The following AGBL4 variants were observed in gnomAD, a reference collection of about 807,000 sequenced individuals.
The protein encoded by AGBL4 is AGBL carboxypeptidase 4, also known as cytosolic carboxypeptidase 6.
Under a neutral mutation model 66.4 loss-of-function variants are expected in AGBL4, and 58 were observed. The ratio of observed to expected loss-of-function variants is 0.87; its 90% CI spans 0.71 to 1.09. The LOEUF (loss-of-function observed/expected upper bound fraction) is 1.09, where lower values mean the gene tolerates loss of function less well. Ranked by LOEUF, AGBL4 falls within the 50% of genes least tolerant of loss-of-function variation. The probability of loss-of-function intolerance (pLI) is 0.00; values close to 1 mark genes in which losing one functional copy is unlikely to be tolerated. For synonymous variants in AGBL4, 234 were observed against 222.9 expected (o/e 1.05, Z -0.44); for missense variants, 579 against 631.0 (o/e 0.92, Z 0.88).
At chr1:48,907,597 A>G (rs1272465695) in intron 5 of AGBL4, among the ~76,000 whole-genome samples, 1 of 152,194 alleles carries the variant, frequency 6.6e-6, no homozygotes, top group East Asian at 1.9e-4. Context: ...TCATCATTCC[A>G]TAGCCTGGAG....
rs74383698 is a variant in AGBL4, at chr1:49,624,716, T to G, written c.282+72597A>C. On this transcript the variant is annotated intron_variant, in intron 3 of 13. Transcript: ENST00000371839. ...CCCTTGAGGATAGAGCCAAGAGCTATGGATGGTAGATCAGAAAAACAGAAG... is the reference window on the plus strand; with the variant it reads ...CCCTTGAGGATAGAGCCAAGAGCTAGGGATGGTAGATCAGAAAAACAGAAG... 4.7e-4 allele frequency among the ~76,000 whole-genome samples: 71 copies of G among 152,328 alleles called. No homozygotes were observed. In the East Asian group the frequency reaches 0.013, roughly 27 times the overall value.
intron 1 of AGBL4, among the ~76,000 whole-genome samples, chr1:50,012,394 T>A (rs1486670235): frequency 6.6e-6 from 1 of 152,148 alleles, no homozygotes; most frequent in African/African-American, 2.4e-5. Context: ...AGAGGATGGA[T>A]AACCCATTCT....
intron 9 of AGBL4, among the ~76,000 whole-genome samples, chr1:48,612,044 T>C (rs950389468): frequency 1.3e-5 from 2 of 152,234 alleles, no homozygotes; most frequent in East Asian, 1.9e-4. Flanking sequence ...CTGCATATAA[T>C]GCAAACCTGC....
intron 5 of AGBL4, among the ~76,000 whole-genome samples, chr1:48,942,480 C>T (rs1173960638): frequency 6.6e-6 from 1 of 152,090 alleles, no homozygotes; most frequent in African/African-American, 2.4e-5. Context: ...TATTAGAGGG[C>T]TGTTGTGATT....
At chr1:49,126,525 C>T (rs937396632) in intron 4 of AGBL4, among the ~76,000 whole-genome samples, 2 of 152,040 alleles carry the variant, frequency 1.3e-5, no homozygotes, top group African/African-American at 4.8e-5. Flanking sequence ...TAAACTTAAT[C>T]CTCATAATCA....
At chr1:49,847,125 C>T (rs1232702933) in intron 2 of AGBL4, among the ~76,000 whole-genome samples, 1 of 152,058 alleles carries the variant, frequency 6.6e-6, no homozygotes, top group East Asian at 1.9e-4. Flanking sequence ...GAAATAAAGC[C>T]ACCTATCTCC....
chr1:49,372,581 T>G (rs775244784), intron 3 of AGBL4, among the ~76,000 whole-genome samples: 51 of 151,766 alleles, frequency 3.4e-4, no homozygotes, highest in Admixed American at 1.6e-3. Flanking sequence ...CCCAGTTCAA[T>G]CTTTCTTTCT....
chr1:49,308,244 A>G (rs1371694279), intron 3 of AGBL4, among the ~76,000 whole-genome samples: 4 of 152,200 alleles, frequency 2.6e-5, no homozygotes, highest in African/African-American at 9.6e-5. Context: ...CAGCAGTCCA[A>G]GAACAGACTA....
chr1:49,898,003 T>C (rs746471939), intron 1 of AGBL4, among the ~76,000 whole-genome samples: 31 of 151,624 alleles, frequency 2.0e-4, no homozygotes, highest in Non-Finnish European at 3.8e-4. Context: ...TTTGAAATTA[T>C]GAACCTCCAC....
chr1:49,599,860 T>A (rs1053882369), intron 3 of AGBL4, among the ~76,000 whole-genome samples: 4 of 152,124 alleles, frequency 2.6e-5, no homozygotes, highest in African/African-American at 9.7e-5. Flanking sequence ...CTGCCTTAAT[T>A]TTATTTACTC....
chr1:48,733,252 G>C lies in AGBL4; in HGVS notation c.635-70011C>G, dbSNP rs529636341. ...TGATGCTGGGAAGGAACCAGTAGTA[G>C]AGCAGGAGCATAACTGAAGGAACAA... On this transcript the variant is annotated intron_variant, in intron 6 of 13. Transcript: ENST00000371839. Among the ~76,000 whole-genome samples, 8 of 152,312 alleles carry C rather than the reference G, an allele frequency of 5.3e-5. No homozygotes were observed. The South Asian group carries it at 1.7e-3, about 32-fold the overall frequency.
At chr1:48,579,139 C>A (rs72679374) in intron 11 of AGBL4, among the ~76,000 whole-genome samples, 5 of 152,288 alleles carry the variant, frequency 3.3e-5, no homozygotes, top group Non-Finnish European at 7.3e-5. Flanking sequence ...ATACAGAGCT[C>A]AAAATATCCC....
chr1:49,144,389 T>A (rs1569812076), intron 4 of AGBL4, among the ~76,000 whole-genome samples: 1 of 151,578 alleles, frequency 6.6e-6, no homozygotes, highest in East Asian at 1.9e-4. Context: ...TGCTCTTCTG[T>A]ATTCCAGCAC....
At chr1:49,143,392 C>A (rs1472235208) in intron 4 of AGBL4, among the ~76,000 whole-genome samples, 1 of 152,146 alleles carries the variant, frequency 6.6e-6, no homozygotes, top group Non-Finnish European at 1.5e-5. Context: ...AAATGGCTAC[C>A]TCATCTTCAG....
At chr1:49,609,244 G>A (rs926899333) in intron 3 of AGBL4, among the ~76,000 whole-genome samples, 1 of 152,138 alleles carries the variant, frequency 6.6e-6, no homozygotes, top group Non-Finnish European at 1.5e-5. Flanking sequence ...ACATATGCTA[G>A]CTTCCTGTGT....
intron 3 of AGBL4, among the ~76,000 whole-genome samples, chr1:49,411,454 C>T (rs777424841): frequency 3.9e-5 from 6 of 152,116 alleles, no homozygotes; most frequent in Non-Finnish European, 7.4e-5. Flanking sequence ...ATAGACACAC[C>T]GGGAAACAAT....
chr1:49,809,503 A>T (rs72903770), intron 2 of AGBL4, among the ~76,000 whole-genome samples: 2 of 152,292 alleles, frequency 1.3e-5, no homozygotes, highest in African/African-American at 4.8e-5. Context: ...AAACCAAAGT[A>T]TAAAAGGAGC....
chr1:49,775,329 G>C (rs571607539), intron 2 of AGBL4, among the ~76,000 whole-genome samples: 1 of 152,036 alleles, frequency 6.6e-6, no homozygotes, highest in Non-Finnish European at 1.5e-5. Context: ...AACAATATAA[G>C]CATGTCAGAT....
intron 4 of AGBL4, among the ~76,000 whole-genome samples, chr1:49,168,739 G>A (rs1214647675): frequency 1.3e-5 from 2 of 152,152 alleles, no homozygotes; most frequent in Non-Finnish European, 2.9e-5. Flanking sequence ...CCTGCTTGAT[G>A]CCCACACACT....
Sources: gnomAD v4.1 joint callset for allele counts (sites outside exome capture counted in the v4.1 genomes callset) on GRCh38, gnomAD v4.1.1 for gene constraint, MANE v1.5 for transcripts, NCBI Gene and HGNC (gene_info 2026-07-23, HGNC 2026-07-21) for gene names.